Variants in CDH12 observed in about 807,000 individuals in gnomAD.
CDH12 encodes the protein cadherin 12.
CDH12 carries 41 observed loss-of-function variants against 74.1 expected under a neutral mutation model. That is an observed-to-expected ratio of 0.55 (90% CI 0.43 to 0.72). CDH12 has a LOEUF of 0.72. Ranked by LOEUF, CDH12 falls within the 30% of genes least tolerant of loss-of-function variation. CDH12 has a pLI of 0.00. For missense variants in CDH12, 945 were observed against 977.2 expected, an observed-to-expected ratio of 0.97 and a Z score of 0.44; for synonymous variants, 399 against 355.0, an observed-to-expected ratio of 1.12 and a Z score of -1.39.
chr5:21,808,950 A>G (rs572122610), intron 9 of CDH12, among the ~76,000 whole-genome samples: 1 of 152,232 alleles, frequency 6.6e-6, no homozygotes, highest in African/African-American at 2.4e-5. Context: ...TTTCAACACC[A>G]TTTGTTAGAA....
intron 1 of CDH12, among the ~76,000 whole-genome samples, chr5:22,511,062 T>G (rs925273371): frequency 6.6e-6 from 1 of 152,042 alleles, no homozygotes; most frequent in African/African-American, 2.4e-5. Context: ...GCTCAGCTAA[T>G]TTTTGTATTT....
chr5:22,118,819 A>T (rs1745324072), intron 4 of CDH12, among the ~76,000 whole-genome samples: 1 of 152,026 alleles, frequency 6.6e-6, no homozygotes, highest in Non-Finnish European at 1.5e-5. Context: ...CAGCTTCCTT[A>T]AGGACTCTAT....
chr5:22,102,639 G>T (rs1300507705), intron 4 of CDH12, among the ~76,000 whole-genome samples: 3 of 151,570 alleles, frequency 2.0e-5, no homozygotes, highest in Non-Finnish European at 4.4e-5. Flanking sequence ...TCCAGCCTGG[G>T]GGACAGAGTG....
chr5:22,794,353 C>T (rs1361720618), intron 1 of CDH12, among the ~76,000 whole-genome samples: 4 of 151,948 alleles, frequency 2.6e-5, no homozygotes. Flanking sequence ...GAATGCCTGC[C>T]ATACTCACAG....
At chr5:21,950,399 A>T (rs1755797180) in intron 6 of CDH12, among the ~76,000 whole-genome samples, 2 of 152,180 alleles carry the variant, frequency 1.3e-5, no homozygotes, top group Non-Finnish European at 2.9e-5. Context: ...AACCCATTGG[A>T]AAGCAAGAAA....
chr5:22,788,824 G>A (rs1472170393), intron 1 of CDH12, among the ~76,000 whole-genome samples: 2 of 151,596 alleles, frequency 1.3e-5, no homozygotes, highest in East Asian at 3.9e-4. Context: ...CCTGAAGATG[G>A]ATGTGGTGCA....
At chr5:21,950,757 T>TTTA (rs71609723) in intron 6 of CDH12, among the ~76,000 whole-genome samples, 24,928 of 136,686 alleles carry the variant, frequency 0.18, 2,300 homozygotes, top group Middle Eastern at 0.24. Context: ...TAAATTTTAT[T>TTTA]TTATTATTAT....
At chr5:22,136,309 G>A (rs1746457446) in intron 4 of CDH12, among the ~76,000 whole-genome samples, 1 of 151,876 alleles carries the variant, frequency 6.6e-6, no homozygotes, top group Non-Finnish European at 1.5e-5. Context: ...CATGTGGAGT[G>A]AGGTTACCCT....
intron 3 of CDH12, among the ~76,000 whole-genome samples, chr5:22,270,012 A>T (rs1001503425): frequency 7.9e-5 from 12 of 152,278 alleles, no homozygotes; most frequent in African/African-American, 2.4e-4. Context: ...ATGTATTTTA[A>T]AGTAGCTTTT....
chr5:22,702,432 C>T (rs1479161682), intron 1 of CDH12, among the ~76,000 whole-genome samples: 1 of 152,046 alleles, frequency 6.6e-6, no homozygotes, highest in Non-Finnish European at 1.5e-5. Context: ...GCTGCTCAGC[C>T]ACCTCCTTCT....
intron 3 of CDH12, among the ~76,000 whole-genome samples, chr5:22,378,937 T>G (rs1741648734): frequency 6.6e-6 from 1 of 152,158 alleles, no homozygotes. Flanking sequence ...TGAAATACAA[T>G]GCAGTGAATG....
At chr5:22,469,059 A>G (rs1429180835) in intron 2 of CDH12, among the ~76,000 whole-genome samples, 1 of 152,160 alleles carries the variant, frequency 6.6e-6, no homozygotes, top group Non-Finnish European at 1.5e-5. Context: ...CCCAATTCAG[A>G]TCACCTTAAT....
intron 1 of CDH12, among the ~76,000 whole-genome samples, chr5:22,553,227 A>G: frequency 6.6e-6 from 1 of 152,208 alleles, no homozygotes; most frequent in Non-Finnish European, 1.5e-5. Flanking sequence ...TAATTTAAAC[A>G]TTGGAAACCT....
At chr5:21,978,053 T>C (rs955458676) in intron 5 of CDH12, among the ~76,000 whole-genome samples, 3 of 152,232 alleles carry the variant, frequency 2.0e-5, no homozygotes, top group African/African-American at 4.8e-5. Context: ...TTGGATATTA[T>C]AAAATTTCCT....
chr5:22,659,651 CA>C (rs1184090042), intron 1 of CDH12, among the ~76,000 whole-genome samples: 1 of 151,948 alleles, frequency 6.6e-6, no homozygotes, highest in Non-Finnish European at 1.5e-5. Context: ...CATTTGAGTG[CA>C]ATTTGTTTTA....
intron 5 of CDH12, among the ~76,000 whole-genome samples, chr5:22,030,250 A>G (rs911021002): frequency 6.6e-6 from 1 of 152,110 alleles, no homozygotes; most frequent in Non-Finnish European, 1.5e-5. Context: ...TGTACCCCAA[A>G]ACTTAAAGTT....
chr5:22,663,895 C>G (rs1049608981), intron 1 of CDH12, among the ~76,000 whole-genome samples: 18 of 151,712 alleles, frequency 1.2e-4, no homozygotes, highest in African/African-American at 4.4e-4. Context: ...ACTTTTTTAA[C>G]CACTTTTTTT....
At chr5:22,054,448 C>T (rs1387137930) in intron 5 of CDH12, among the ~76,000 whole-genome samples, 1 of 151,938 alleles carries the variant, frequency 6.6e-6, no homozygotes, top group Non-Finnish European at 1.5e-5. Context: ...CTAGAATCTA[C>T]CTTTGGGTCA....
chr5:22,367,918 AT>A (rs981456457), intron 3 of CDH12, among the ~76,000 whole-genome samples: 5 of 152,104 alleles, frequency 3.3e-5, no homozygotes, highest in Non-Finnish European at 2.9e-5. Context: ...AAATTAACAC[AT>A]TTTTTTCCTG....
Sources: gnomAD v4.1 joint callset for allele counts (sites outside exome capture counted in the v4.1 genomes callset) on GRCh38, gnomAD v4.1.1 for gene constraint, MANE v1.5 for transcripts, NCBI Gene and HGNC (gene_info 2026-07-23, HGNC 2026-07-21) for gene names.